Variants in PDPR observed in about 807,000 individuals in gnomAD.
PDPR encodes the protein pyruvate dehydrogenase phosphatase regulatory subunit, mitochondrial.
A neutral mutation model predicts 102.2 loss-of-function variants in PDPR; 50 were observed. That is an observed-to-expected ratio of 0.49 (90% CI 0.39 to 0.62). The LOEUF is 0.62. Among genes scored for constraint, PDPR ranks in the 20% least tolerant of loss-of-function variants. The pLI is 0.00. For missense variants in PDPR, 625 were observed against 1,098.2 expected, an observed-to-expected ratio of 0.57 and a Z score of 6.09; for synonymous variants, 259 against 406.0, an observed-to-expected ratio of 0.64 and a Z score of 4.35.
At position 70,118,314 on chromosome 16, in the gene PDPR, A is replaced by C. The variant is rs1398759421; in HGVS notation, c.-32-2147A>C. ...TCTATAGGAAGGGTTTCAGGGAATG[A>C]GATGAGCCAGGTTATCTGCTTAGAA... On this transcript the variant is annotated intron_variant, in intron 2 of 18. Coordinates refer to ENST00000288050, the MANE Select transcript of PDPR (RefSeq NM_017990.5). Among the ~76,000 whole-genome samples, 33 of 152,362 alleles carry C rather than the reference A, an allele frequency of 2.2e-4. No individual in the cohort carries two copies. The South Asian group carries it at 6.6e-3, about 31-fold the overall frequency.
At chr16:70,138,395 T>C (rs528494516) in intron 10 of PDPR, among the ~76,000 whole-genome samples, 1 of 152,330 alleles carries the variant, frequency 6.6e-6, no homozygotes, top group Non-Finnish European at 1.5e-5. Context: ...TTTTGTATTT[T>C]TAATAGAGAC....
chr16:70,148,027 G>A (rs1966378443), intron 16 of PDPR, among the ~76,000 whole-genome samples: 1 of 152,250 alleles, frequency 6.6e-6, no homozygotes, highest in African/African-American at 2.4e-5. Context: ...TTTGACCCCA[G>A]GATAGCAGAT....
chr16:70,117,301 T>C (rs1247032351), intron 2 of PDPR, among the ~76,000 whole-genome samples: 2 of 128,066 alleles, frequency 1.6e-5, no homozygotes, highest in East Asian at 2.2e-4. Flanking sequence ...GATCACGAGG[T>C]CGGGAGATTG....
At chr16:70,124,356 G>A (rs1429565560) in intron 3 of PDPR, among the ~76,000 whole-genome samples, 1 of 152,262 alleles carries the variant, frequency 6.6e-6, no homozygotes, top group Non-Finnish European at 1.5e-5. Flanking sequence ...GAGTGAGACT[G>A]TCTCAAAAAA....
intron 7 of PDPR, among the ~76,000 whole-genome samples, chr16:70,130,992 T>A (rs1259461818): frequency 6.6e-6 from 1 of 152,284 alleles, no homozygotes; most frequent in Non-Finnish European, 1.5e-5. Context: ...TGAAGTTCAT[T>A]TAGTGATTGC....
In PDPR at chr16:70,117,953, C is replaced by T. The variant is rs1031548906; in HGVS notation, c.-32-2508C>T. Among the ~76,000 whole-genome samples, 26 of 151,968 alleles carry T rather than the reference C, an allele frequency of 1.7e-4. No individual in the cohort carries two copies. The South Asian group carries it at 2.5e-3, about 15-fold the overall frequency. On this transcript the variant is annotated intron_variant, in intron 2 of 18. Coordinates refer to ENST00000288050, the MANE Select transcript of PDPR (RefSeq NM_017990.5). The stretch of plus-strand genomic sequence containing the variant: ...ACTAAAAATACAAAAAGTAACTGGG[C>T]GTGGTGGCGCGTGCTTGTAGTTCCA...
At chr16:70,138,673 C>T (rs1040791462) in intron 10 of PDPR, among the ~76,000 whole-genome samples, 2 of 152,224 alleles carry the variant, frequency 1.3e-5, no homozygotes, top group African/African-American at 4.8e-5. Context: ...TTAAATACCT[C>T]CTAGGGAATC....
chr16:70,157,776 A>G lies in PDPR; in HGVS notation c.*897A>G, dbSNP rs1445943197. On this transcript the variant is annotated 3_prime_UTR_variant, in exon 19 of 19. Transcript: ENST00000288050. ...ATGCTGCTTTTCTCTCAGCTGTCCA[A>G]AGTTCAGCCGTTCCTCCTTCCCCTT... is the stretch of plus-strand genomic sequence containing the variant. The G allele has an allele frequency of 6.4e-6, 1 of 155,118 alleles. No homozygotes were observed. The highest frequency in any genetic ancestry group is 1.4e-5 in the Non-Finnish European group (1 of 69,914). The allele number at this position is 155,118 out of a possible 1,614,324, so 9.6% of individuals were successfully genotyped here.
At chr16:70,124,712 C>A (rs1168618242) in intron 3 of PDPR, among the ~76,000 whole-genome samples, 1 of 152,246 alleles carries the variant, frequency 6.6e-6, no homozygotes, top group Non-Finnish European at 1.5e-5. Flanking sequence ...GACCACCAGC[C>A]AGTTAATGGA....
intron 9 of PDPR, among the ~76,000 whole-genome samples, chr16:70,132,569 G>A (rs1288543049): frequency 3.3e-5 from 5 of 152,032 alleles, no homozygotes; most frequent in Admixed American, 1.3e-4. Context: ...TCTTGAGACG[G>A]AGCCTTGCTC....
chr16:70,155,918 TCA>T (rs1967123836), intron 18 of PDPR, among the ~76,000 whole-genome samples: 2 of 152,120 alleles, frequency 1.3e-5, no homozygotes, highest in Non-Finnish European at 2.9e-5. Context: ...TTTTCCTGTC[TCA>T]GTCTCCCTAG....
At chr16:70,138,819 C>G (rs1965428971) in intron 10 of PDPR, 80 bp from the exon 11 acceptor site, 2 of 1,598,944 alleles carry the variant, frequency 1.3e-6, no homozygotes, top group Non-Finnish European at 1.7e-6. Context: ...TCTTTTGATT[C>G]TGTTTGTTCT....
chr16:70,153,625 C>A, intron 18 of PDPR, 52 bp downstream of exon 18: 1 of 1,494,960 alleles, frequency 6.7e-7, no homozygotes, highest in Non-Finnish European at 9.0e-7. Context: ...AGTAGTGAAT[C>A]TGCACTAGAC....
intron 14 of PDPR, 24 bp downstream of exon 14, chr16:70,143,682 C>G (rs748703557): frequency 2.5e-6 from 4 of 1,611,600 alleles, no homozygotes; most frequent in African/African-American, 1.3e-5. Flanking sequence ...CCGTCCCGCT[C>G]TGCTCCCTCC....
At chr16:70,134,325 A>G (rs1964871002) in intron 9 of PDPR, among the ~76,000 whole-genome samples, 1 of 152,022 alleles carries the variant, frequency 6.6e-6, no homozygotes, top group Non-Finnish European at 1.5e-5. Flanking sequence ...TCCTGGATTC[A>G]AGCAATTCTC....
At position 70,142,734 on chromosome 16, in the gene PDPR, T is replaced by A. The variant is rs766658951; in HGVS notation, c.1605+48T>A. ...GTAATAGATTAGGAAACTTTACATATTTATTGAATGCCTTTTGTTTTTCAT... is the reference window on the plus strand; with the variant it reads ...GTAATAGATTAGGAAACTTTACATAATTATTGAATGCCTTTTGTTTTTCAT... On this transcript the variant is annotated intron_variant, in intron 13 of 18. Coordinates refer to ENST00000288050, the MANE Select transcript of PDPR (RefSeq NM_017990.5). 2.5e-6 allele frequency: 4 copies of A among 1,611,608 alleles called. No homozygotes were observed. The South Asian group carries it at 3.3e-5, about 13-fold the overall frequency.
At chr16:70,116,683 G>A (rs1462751514) in intron 2 of PDPR, among the ~76,000 whole-genome samples, 1 of 151,580 alleles carries the variant, frequency 6.6e-6, no homozygotes, top group Non-Finnish European at 1.5e-5. Flanking sequence ...TGGGACCACA[G>A]GTGCGTGCCA....
intron 18 of PDPR, among the ~76,000 whole-genome samples, chr16:70,155,357 C>G (rs1370334464): frequency 6.6e-6 from 1 of 152,220 alleles, no homozygotes; most frequent in Non-Finnish European, 1.5e-5. Flanking sequence ...TCTCAGCTCA[C>G]TGCAATCTCT....
chr16:70,136,261 G>T lies in PDPR; in HGVS notation c.1065G>T (p.Val355=). ...ELETLEIMKL[V]NCPETFTPDM... ...AGACTCTGGAGATCATGAAGTTGGT[G>T]AACTGCCCAGAGACCTTCACACCAG... The change falls in exon 10 of 19, where the codon GTG becomes GTT. Residue 355 remains valine (V), a synonymous_variant. Transcript: ENST00000288050. 1 of 1,613,024 alleles carries T rather than the reference G, an allele frequency of 6.2e-7. No individual in the cohort carries two copies. Among genetic ancestry groups the T allele is most frequent in the Non-Finnish European group, 8.5e-7 (1 of 1,179,336 alleles).
Sources: allele counts gnomAD v4.1 joint callset (sites outside exome capture counted in the v4.1 genomes callset), GRCh38; gene constraint gnomAD v4.1.1; transcripts MANE v1.5; gene names NCBI Gene and HGNC (gene_info 2026-07-23, HGNC 2026-07-21).